Variants in PCDH15 observed in about 807,000 individuals in gnomAD.
PCDH15 encodes the protein protocadherin-15.
Under a neutral mutation model 178.5 loss-of-function variants are expected in PCDH15, and 129 were observed. The ratio of observed to expected loss-of-function variants is 0.72; its 90% CI spans 0.63 to 0.84. The LOEUF (loss-of-function observed/expected upper bound fraction) is 0.84. Ranked by LOEUF, PCDH15 falls within the 40% of genes least tolerant of loss-of-function variation. PCDH15 has a pLI of 0.00. For synonymous variants in PCDH15, 800 were observed against 732.0 expected (o/e 1.09, Z -1.50); for missense variants, 2,230 against 2,099.9 (o/e 1.06, Z -1.21).
chr10:54,909,268 T>C (rs1954778424), intron 2 of PCDH15, among the ~76,000 whole-genome samples: 1 of 152,146 alleles, frequency 6.6e-6, no homozygotes, highest in African/African-American at 2.4e-5. Context: ...CAAGACCCCA[T>C]CTTCCTCTGA....
Position 54,616,044 on chromosome 10 carries a change from A to C in PCDH15, c.91+48128T>G, listed in dbSNP as rs549046066. Among the ~76,000 whole-genome samples, 14 of 152,128 alleles carry C rather than the reference A, an allele frequency of 9.2e-5. No individual in the cohort carries two copies. In the East Asian group the frequency reaches 2.3e-3, roughly 25 times the overall value. ...AGGCTCAGCATTACCAAATTATCTC[A>C]TTTTTTTGAGTAGAAATAAATTTTG... is the stretch of plus-strand genomic sequence containing the variant. On this transcript the variant is annotated intron_variant, in intron 2 of 37. Coordinates refer to ENST00000644397, the MANE Select transcript of PCDH15 (RefSeq NM_001384140.1).
At chr10:54,642,987 G>C (rs976326744) in intron 2 of PCDH15, among the ~76,000 whole-genome samples, 1 of 152,126 alleles carries the variant, frequency 6.6e-6, no homozygotes, top group Non-Finnish European at 1.5e-5. Context: ...CAATGGCACA[G>C]TCTTGGCTTC....
chr10:54,323,823 T>C (rs561892182), intron 7 of PCDH15, among the ~76,000 whole-genome samples: 2 of 152,122 alleles, frequency 1.3e-5, no homozygotes, highest in East Asian at 3.9e-4. Flanking sequence ...GTGCTTAAAA[T>C]AAAAGTTGAG....
At position 55,057,627 on chromosome 10, in the gene PCDH15, C is replaced by CTT. The variant is rs1841336297; in HGVS notation, c.-80+108947_-80+108948dup. Among the ~76,000 whole-genome samples, 3 of 152,170 alleles carry CTT rather than the reference C, an allele frequency of 2.0e-5. No homozygotes were observed. The South Asian group carries it at 6.2e-4, about 32-fold the overall frequency. On this transcript the variant is annotated intron_variant, in intron 2 of 5. Coordinates refer to the PCDH15 transcript ENST00000458638. ...AGGCCCAACCTTTTCTTCCTAACCT[C>CTT]TTCCCCTATTCTGAACGCTAGAATC...
chr10:54,337,137 G>C (rs1941341634), intron 6 of PCDH15, among the ~76,000 whole-genome samples: 1 of 151,770 alleles, frequency 6.6e-6, no homozygotes, highest in South Asian at 2.1e-4. Context: ...CATACCCAAT[G>C]CCTGTACCCC....
At chr10:55,194,764 G>A (rs1023897873) in intron 1 of PCDH15, among the ~76,000 whole-genome samples, 7 of 151,462 alleles carry the variant, frequency 4.6e-5, no homozygotes, top group African/African-American at 1.5e-4. Context: ...AATATAAGCC[G>A]AACGTGATGA....
At chr10:53,807,152 T>G in intron 37 of PCDH15, 22 bp from the exon 38 acceptor site, 1 of 1,538,774 alleles carries the variant, frequency 6.5e-7, no homozygotes, top group Non-Finnish European at 8.8e-7. Flanking sequence ...AACAAAAATA[T>G]GTGAGTCACT....
intron 18 of PCDH15, among the ~76,000 whole-genome samples, chr10:54,045,302 C>T (rs937076935): frequency 4.6e-5 from 7 of 152,194 alleles, no homozygotes; most frequent in Admixed American, 1.3e-4. Flanking sequence ...TTTCTGAAGA[C>T]CGGGGTGATG....
At chr10:55,126,932 G>A (rs1460628817) in intron 2 of PCDH15, among the ~76,000 whole-genome samples, 1 of 151,716 alleles carries the variant, frequency 6.6e-6, no homozygotes, top group South Asian at 2.1e-4. Flanking sequence ...TTTATTTCTA[G>A]TTGATAAAAA....
chr10:55,241,750 T>G (rs1841548133), intron 1 of PCDH15, among the ~76,000 whole-genome samples: 1 of 152,180 alleles, frequency 6.6e-6, no homozygotes, highest in Non-Finnish European at 1.5e-5. Context: ...GACCTTCTCA[T>G]AATCTTATTC....
intron 2 of PCDH15, among the ~76,000 whole-genome samples, chr10:55,471,142 G>A (rs368014470): frequency 5.8e-4 from 89 of 152,170 alleles, no homozygotes; most frequent in African/African-American, 2.0e-3. Flanking sequence ...ATTTTAGTGT[G>A]AATATATGTT....
intron 2 of PCDH15, among the ~76,000 whole-genome samples, chr10:55,032,768 G>T (rs1001235153): frequency 2.0e-5 from 3 of 152,166 alleles, no homozygotes; most frequent in African/African-American, 7.2e-5. Flanking sequence ...ACATTTCAGG[G>T]TTTTTAAATG....
At chr10:54,316,669 T>C (rs1188805136) in intron 8 of PCDH15, among the ~76,000 whole-genome samples, 1 of 152,092 alleles carries the variant, frequency 6.6e-6, no homozygotes. Context: ...ACATCAATCA[T>C]CTGGGGAGGT....
At chr10:54,729,833 A>G (rs137915213) in intron 1 of PCDH15, among the ~76,000 whole-genome samples, 1 of 151,886 alleles carries the variant, frequency 6.6e-6, no homozygotes, top group African/African-American at 2.4e-5. Flanking sequence ...AGAAATGCAT[A>G]TCAAAACCAC....
At chr10:54,622,065 T>A (rs2093365127) in intron 2 of PCDH15, among the ~76,000 whole-genome samples, 1 of 135,428 alleles carries the variant, frequency 7.4e-6, no homozygotes, top group Non-Finnish European at 1.6e-5. Flanking sequence ...CAGCTCTTCT[T>A]ATAAGGTGAG....
intron 1 of PCDH15, among the ~76,000 whole-genome samples, chr10:55,205,145 A>G (rs1840362318): frequency 6.6e-6 from 1 of 152,108 alleles, no homozygotes; most frequent in Non-Finnish European, 1.5e-5. Flanking sequence ...TAGAGAAGTG[A>G]TAAAAATAAA....
intron 2 of PCDH15, among the ~76,000 whole-genome samples, chr10:55,044,360 G>A (rs1054419999): frequency 3.3e-5 from 5 of 152,046 alleles, no homozygotes. Flanking sequence ...TGAACAATTG[G>A]CAATAACCTC....
At chr10:54,183,823 C>G (rs2133804059) in intron 12 of PCDH15, among the ~76,000 whole-genome samples, 1 of 152,180 alleles carries the variant, frequency 6.6e-6, no homozygotes, top group Admixed American at 6.5e-5. Flanking sequence ...GTATTCAACT[C>G]CAGGCATATT....
chr10:55,469,661 T>C (rs1331609323), intron 2 of PCDH15, among the ~76,000 whole-genome samples: 1 of 152,038 alleles, frequency 6.6e-6, no homozygotes, highest in Non-Finnish European at 1.5e-5. Context: ...CCTATAAAGT[T>C]AAATATTTTC....
Sources: gnomAD v4.1 joint callset for allele counts (sites outside exome capture counted in the v4.1 genomes callset) on GRCh38, gnomAD v4.1.1 for gene constraint, MANE v1.5 for transcripts, NCBI Gene and HGNC (gene_info 2026-07-23, HGNC 2026-07-21) for gene names.